Variants in HRH1 observed in about 807,000 individuals in gnomAD.
HRH1 encodes the protein histamine receptor H1.
HRH1 carries 6 observed loss-of-function variants against 10.3 expected under a neutral mutation model. The ratio of observed to expected loss-of-function variants is 0.58; its 90% CI spans 0.32 to 1.15. HRH1 has a LOEUF of 1.15. Among genes scored for constraint, HRH1 ranks in the 50% most tolerant of loss-of-function variants. The pLI is 0.05. For missense variants in HRH1, 514 were observed against 615.3 expected (o/e 0.84, Z 1.74); for synonymous variants, 242 against 236.7 (o/e 1.02, Z -0.21).
intron 1 of HRH1, among the ~76,000 whole-genome samples, chr3:11,214,796 C>T (rs1396200528): frequency 6.6e-6 from 1 of 152,200 alleles, no homozygotes; most frequent in African/African-American, 2.4e-5. Context: ...CATGACATGT[C>T]ATCCCCAGTT....
At chr3:11,258,920 C>A in intron 1 of HRH1, 83 bp from the exon 2 acceptor site, 1 of 973,906 alleles carries the variant, frequency 1.0e-6, no homozygotes, top group Non-Finnish European at 1.5e-6. Context: ...CAGCATACAA[C>A]TCCAGTCTGA....
intron 1 of HRH1, among the ~76,000 whole-genome samples, chr3:11,219,953 T>G (rs978446413): frequency 3.9e-4 from 44 of 112,068 alleles, no homozygotes; most frequent in South Asian, 8.9e-4. Context: ...ATGTGTTGTT[T>G]TTTTTTTTTT....
chr3:11,165,503 C>T (rs368292714), intron 1 of HRH1, among the ~76,000 whole-genome samples: 5 of 152,050 alleles, frequency 3.3e-5, no homozygotes, highest in Non-Finnish European at 7.3e-5. Flanking sequence ...CACACACACA[C>T]GCAAGAAGAG....
intron 1 of HRH1, among the ~76,000 whole-genome samples, chr3:11,254,783 C>G (rs537534221): frequency 1.3e-5 from 2 of 152,230 alleles, no homozygotes. Context: ...GAAAATTCCT[C>G]AGCAAGGCAA....
chr3:11,241,624 G>C (rs547577248), intron 1 of HRH1, among the ~76,000 whole-genome samples: 1 of 152,072 alleles, frequency 6.6e-6, no homozygotes, highest in African/African-American at 2.4e-5. Flanking sequence ...ACGAGGTCAG[G>C]AGATCGAAAC....
chr3:11,237,813 T>C (rs1368223497), intron 1 of HRH1, among the ~76,000 whole-genome samples: 5 of 151,724 alleles, frequency 3.3e-5, no homozygotes, highest in South Asian at 2.1e-4. Flanking sequence ...GTAGCTGGGA[T>C]TACAAGCATG....
At chr3:11,210,268 C>T (rs540386879) in intron 1 of HRH1, among the ~76,000 whole-genome samples, 19 of 152,016 alleles carry the variant, frequency 1.2e-4, no homozygotes, top group Non-Finnish European at 2.5e-4. Flanking sequence ...GTGGTGAGTA[C>T]CTGTGGTCTC....
At chr3:11,186,842 T>C (rs889120045) in intron 1 of HRH1, among the ~76,000 whole-genome samples, 1 of 152,266 alleles carries the variant, frequency 6.6e-6, no homozygotes, top group South Asian at 2.1e-4. Flanking sequence ...CAAATGCAGA[T>C]AGGAATTTAG....
At position 11,202,075 on chromosome 3, in the gene HRH1, A is replaced by G. The variant is rs553382812; in HGVS notation, c.-36+47521A>G. Among the ~76,000 whole-genome samples, 273 of 152,298 alleles carry G rather than the reference A, an allele frequency of 1.8e-3. 3 individuals are homozygous for G. The Middle Eastern group carries it at 0.02, about 11-fold the overall frequency. Reference sequence around the variant, plus strand: ...ACGGTTGAGTTTTGCGGTAGATAAAATTATTTCTAATTTCTAATAAAAGGA... The same window carrying G: ...ACGGTTGAGTTTTGCGGTAGATAAAGTTATTTCTAATTTCTAATAAAAGGA... On this transcript the variant is annotated intron_variant, in intron 1 of 1. Coordinates refer to ENST00000431010, the MANE Select transcript of HRH1 (RefSeq NM_001098212.2).
At chr3:11,165,614 G>A (rs903095114) in intron 1 of HRH1, among the ~76,000 whole-genome samples, 2 of 152,154 alleles carry the variant, frequency 1.3e-5, no homozygotes, top group Non-Finnish European at 1.5e-5. Flanking sequence ...ACATTGGGCC[G>A]GGTTGCTCCA....
chr3:11,226,600 A>C (rs921231820), intron 1 of HRH1: 1 of 152,106 alleles, frequency 6.6e-6, no homozygotes, highest in Non-Finnish European at 1.5e-5. Flanking sequence ...TAATGTGATC[A>C]TGGGGCCAGG....
Position 11,262,590 on chromosome 3 carries a change from C to G in HRH1, c.*2089C>G, listed in dbSNP as rs891071632. The G allele has an allele frequency of 1.2e-5, 2 of 167,022 alleles. No homozygotes were observed. The highest frequency in any genetic ancestry group is 4.8e-5 in the African/African-American group (2 of 41,430). 10.3% of individuals were successfully genotyped at this position (167,022 alleles called of 1,614,324 possible). Reference sequence around the variant, plus strand: ...CAGAAACCATTGTTCAGAAGACCTCCCTGTGAGAGAGTTGCTCCTCAGGGT... The same window carrying G: ...CAGAAACCATTGTTCAGAAGACCTCGCTGTGAGAGAGTTGCTCCTCAGGGT... On this transcript the variant is annotated 3_prime_UTR_variant, in exon 2 of 2. Transcript: ENST00000431010.
At chr3:11,155,347 C>G (rs1047612540) in intron 1 of HRH1, among the ~76,000 whole-genome samples, 14 of 152,172 alleles carry the variant, frequency 9.2e-5, no homozygotes, top group Non-Finnish European at 1.5e-5. Context: ...CGGGGCTGCT[C>G]TTTCAGAGAT....
intron 1 of HRH1, among the ~76,000 whole-genome samples, chr3:11,142,643 A>G (rs997690002): frequency 2.6e-5 from 4 of 152,232 alleles, no homozygotes; most frequent in Admixed American, 1.3e-4. Context: ...AGCCAGGCAC[A>G]GTGGCTCACG....
intron 1 of HRH1, among the ~76,000 whole-genome samples, chr3:11,158,750 T>C (rs1936868619): frequency 6.6e-6 from 1 of 152,230 alleles, no homozygotes; most frequent in Non-Finnish European, 1.5e-5. Context: ...GAAATATGCT[T>C]GGCTTTTGCA....
chr3:11,246,130 T>G (rs1402163854), intron 1 of HRH1, among the ~76,000 whole-genome samples: 2 of 151,516 alleles, frequency 1.3e-5, no homozygotes, highest in African/African-American at 4.9e-5. Context: ...ACACATTCAC[T>G]CACACATTCA....
intron 1 of HRH1, among the ~76,000 whole-genome samples, chr3:11,243,881 A>T (rs1327686695): frequency 6.6e-6 from 1 of 152,144 alleles, no homozygotes; most frequent in Non-Finnish European, 1.5e-5. Flanking sequence ...TCCCAGCTGA[A>T]TTCTAGGGTT....
chr3:11,154,222 G>C (rs1199731823), upstream of HRH1, among the ~76,000 whole-genome samples: 1 of 152,088 alleles, frequency 6.6e-6, no homozygotes, highest in East Asian at 1.9e-4. This position sits in a 1 kb window ranked among gnomAD's most constrained non-coding sequence, Gnocchi z 4.4. Flanking sequence ...AGTCCGCCTC[G>C]CAGAGCCCGA....
At chr3:11,170,527 G>A (rs1270558294) in intron 1 of HRH1, among the ~76,000 whole-genome samples, 1 of 152,268 alleles carries the variant, frequency 6.6e-6, no homozygotes, top group Non-Finnish European at 1.5e-5. Context: ...CCCGGAACGG[G>A]CAGTATCCCA....
Sources: allele counts gnomAD v4.1 joint callset (sites outside exome capture counted in the v4.1 genomes callset), GRCh38; gene constraint gnomAD v4.1.1; non-coding constraint Gnocchi (gnomAD v3.1); transcripts MANE v1.5; gene names NCBI Gene and HGNC (gene_info 2026-07-23, HGNC 2026-07-21).